ZC3H8: variants seen among roughly 807,000 people sequenced by gnomAD.
The protein encoded by ZC3H8 is zinc finger CCCH-type containing 8.
A neutral mutation model predicts 42.5 loss-of-function variants in ZC3H8; 27 were observed. The observed-to-expected ratio is 0.64, with a 90% CI of 0.47 to 0.88. The LOEUF (loss-of-function observed/expected upper bound fraction) is 0.88, where lower values mean the gene tolerates loss of function less well. Among genes scored for constraint, ZC3H8 ranks in the 40% least tolerant of loss-of-function variants. The pLI is 0.00. For synonymous variants in ZC3H8, 101 were observed against 110.1 expected (o/e 0.92, Z 0.52); for missense variants, 277 against 336.1 (o/e 0.82, Z 1.37).
intron 3 of ZC3H8, among the ~76,000 whole-genome samples, chr2:112,237,686 G>A (rs1004930543): frequency 1.3e-5 from 2 of 151,028 alleles, no homozygotes; most frequent in East Asian, 1.9e-4. Context: ...AGTGATTCTC[G>A]TGCCTCAGCC....
At chr2:112,246,686 G>A (rs1264812353) in intron 2 of ZC3H8, among the ~76,000 whole-genome samples, 1 of 152,192 alleles carries the variant, frequency 6.6e-6, no homozygotes, top group African/African-American at 2.4e-5. Flanking sequence ...GAACAATGTG[G>A]TTTCTTGAGA....
chr2:112,238,812 G>C (rs143578558), intron 2 of ZC3H8, among the ~76,000 whole-genome samples: 99 of 152,294 alleles, frequency 6.5e-4, no homozygotes, highest in African/African-American at 2.2e-3. Context: ...GTGTGCCTTT[G>C]ACTGAATTAA....
Position 112,255,039 on chromosome 2 carries a change from G to A in ZC3H8, c.-58C>T. 4 of 1,534,056 alleles carry A rather than the reference G, an allele frequency of 2.6e-6. No individual in the cohort carries two copies. The highest frequency in any genetic ancestry group is 2.4e-5 in the South Asian group (2 of 83,480). ...GAAGCTACAGAGTAACAACCCGAGA[G>A]AGTGACAACCCGGACGCGACGAGAC... On this transcript the variant is annotated 5_prime_UTR_variant, in exon 1 of 9. Transcript: ENST00000409573.
At chr2:112,254,841 A>T in intron 1 of ZC3H8, 67 bp downstream of exon 1, 1 of 1,546,800 alleles carries the variant, frequency 6.5e-7, no homozygotes, top group Non-Finnish European at 8.8e-7. Flanking sequence ...CCTCCAATCC[A>T]GAAGAAACTA....
chr2:112,216,727 C>T (rs972445212), intron 8 of ZC3H8, among the ~76,000 whole-genome samples: 1 of 147,622 alleles, frequency 6.8e-6, no homozygotes, highest in Non-Finnish European at 1.5e-5. Context: ...GTTGACTAAC[C>T]TCAGACATGG....
intron 2 of ZC3H8, among the ~76,000 whole-genome samples, chr2:112,243,773 A>C (rs1384553197): frequency 6.6e-6 from 1 of 152,136 alleles, no homozygotes; most frequent in Non-Finnish European, 1.5e-5. Context: ...CTTTATAGAA[A>C]ATGCTTACTG....
intron 8 of ZC3H8, among the ~76,000 whole-genome samples, chr2:112,230,263 T>G (rs1404430412): frequency 6.6e-6 from 1 of 152,204 alleles, no homozygotes; most frequent in African/African-American, 2.4e-5. Flanking sequence ...TCTACACAGT[T>G]TGTAGGAGTA....
At chr2:112,251,855 G>A (rs1204181610) in intron 1 of ZC3H8, among the ~76,000 whole-genome samples, 1 of 152,162 alleles carries the variant, frequency 6.6e-6, no homozygotes, top group Non-Finnish European at 1.5e-5. Context: ...ACCCATATTA[G>A]ACCTATGAGC....
intron 8 of ZC3H8, among the ~76,000 whole-genome samples, chr2:112,224,198 T>C (rs551201441): frequency 7.9e-5 from 12 of 152,200 alleles, no homozygotes; most frequent in South Asian, 2.1e-4. Flanking sequence ...TTCACATTTA[T>C]ATTTAAAAAT....
intron 2 of ZC3H8, among the ~76,000 whole-genome samples, chr2:112,241,445 C>T (rs934165287): frequency 6.6e-6 from 1 of 152,250 alleles, no homozygotes; most frequent in African/African-American, 2.4e-5. Context: ...AGAGACCCCC[C>T]CCTCAAGGGC....
chr2:112,229,282 G>A (rs1199977991), intron 8 of ZC3H8, among the ~76,000 whole-genome samples: 3 of 152,156 alleles, frequency 2.0e-5, no homozygotes, highest in African/African-American at 4.8e-5. Flanking sequence ...AGAATGATAT[G>A]AGGCCTCTAT....
rs976539937 is a variant in ZC3H8 at position 112,254,109 on chromosome 2, T to C, written c.74+799A>G. 8 of 984,658 alleles carry C rather than the reference T, an allele frequency of 8.1e-6. No individual in the cohort carries two copies. The African/African-American group carries it at 1.4e-4, about 17-fold the overall frequency. The allele number at this position is 984,658 out of a possible 1,614,324, so 61.0% of individuals were successfully genotyped here. On this transcript the variant is annotated intron_variant, in intron 1 of 8. Transcript: ENST00000409573. Reference sequence around the variant, plus strand: ...TCATGTAAAGCACAAGGTAAAGCTCTGGATGATCAGTTAAGGTAAAATTTG... The same window carrying C: ...TCATGTAAAGCACAAGGTAAAGCTCCGGATGATCAGTTAAGGTAAAATTTG...
chr2:112,236,608 T>C lies in ZC3H8; in HGVS notation c.458A>G (p.Asn153Ser). 1 of 1,614,040 alleles carries C rather than the reference T, an allele frequency of 6.2e-7. No homozygotes were observed. Among genetic ancestry groups the C allele is most frequent in the East Asian group, 2.2e-5 (1 of 44,892 alleles). The change falls in exon 4 of 9, where the codon AAC becomes AGC. Residue 153 changes from asparagine (N) to serine (S), a missense_variant. Asn to Ser is a conservative substitution (Grantham distance 46). Transcript: ENST00000409573. ...KMKRKWPGPG[N>S]KGSNALLRNS... is the part of the protein sequence containing the mutation. ...CCTCAGCAAAGCATTTGATCCTTTG[T>C]TTCCAGGGCCAGGCCATTTTCGCTT...
intron 2 of ZC3H8, among the ~76,000 whole-genome samples, chr2:112,249,269 A>C (rs1470469545): frequency 2.0e-5 from 3 of 152,180 alleles, no homozygotes; most frequent in Non-Finnish European, 4.4e-5. Flanking sequence ...GGCAGAAATC[A>C]GGATGATACT....
intron 8 of ZC3H8, among the ~76,000 whole-genome samples, chr2:112,226,620 G>A (rs1241865324): frequency 7.0e-6 from 1 of 142,508 alleles, no homozygotes; most frequent in African/African-American, 2.6e-5. Context: ...AGGCCCAGTT[G>A]TCTTACTGGT....
At chr2:112,236,189 G>C (rs1338079376) in intron 4 of ZC3H8, among the ~76,000 whole-genome samples, 1 of 152,026 alleles carries the variant, frequency 6.6e-6, no homozygotes, top group Non-Finnish European at 1.5e-5. Context: ...ACTTGAACCC[G>C]AGAGGCGGAG....
At chr2:112,236,756 G>C in intron 3 of ZC3H8, 61 bp from the exon 4 acceptor site, 2 of 1,442,072 alleles carry the variant, frequency 1.4e-6, no homozygotes. Flanking sequence ...TTACTTTTAA[G>C]AAGTACGGGG....
intron 2 of ZC3H8, among the ~76,000 whole-genome samples, chr2:112,248,233 G>C (rs1487311081): frequency 6.6e-6 from 1 of 151,816 alleles, no homozygotes; most frequent in Non-Finnish European, 1.5e-5. Flanking sequence ...GGCTGAGGTG[G>C]GAAAACTGCT....
Position 112,212,369 on chromosome 2 carries a change from GT to G in ZC3H8, c.*4114del, listed in dbSNP as rs1404341790. 1.3e-5 allele frequency: 2 copies of G among 152,194 alleles called. No individual in the cohort carries two copies. The highest frequency in any genetic ancestry group is 6.5e-5 in the Admixed American group (1 of 15,284). 9.4% of individuals were successfully genotyped at this position (152,194 alleles called of 1,614,324 possible). A position where few individuals can be genotyped will look rare whatever the true frequency, so the allele number is the denominator to read the frequency against. On this transcript the variant is annotated 3_prime_UTR_variant, in exon 9 of 9. Coordinates refer to ENST00000409573, the MANE Select transcript of ZC3H8 (RefSeq NM_032494.3). ...CAGTGTCTAACACTTCCTTAAACCT[GT>G]TTCTTAATGTGTGCTCTTTGCAGGA...
Sources: gnomAD v4.1 joint callset for allele counts (sites outside exome capture counted in the v4.1 genomes callset) on GRCh38, gnomAD v4.1.1 for gene constraint, MANE v1.5 for transcripts, NCBI Gene and HGNC (gene_info 2026-07-23, HGNC 2026-07-21) for gene names.